Variants in VARS2 observed in about 807,000 individuals in gnomAD.
The protein encoded by VARS2 is valine--tRNA ligase, mitochondrial.
A neutral mutation model predicts 154.1 loss-of-function variants in VARS2; 105 were observed. The ratio of observed to expected loss-of-function variants is 0.68; its 90% confidence interval spans 0.58 to 0.80. VARS2 has a LOEUF of 0.80. Among genes scored for constraint, VARS2 ranks in the 30% least tolerant of loss-of-function variants. VARS2 has a pLI of 0.00. For synonymous variants in VARS2, 483 were observed against 539.5 expected, an observed-to-expected ratio of 0.90 and a Z score of 1.45; for missense variants, 1,157 against 1,361.4, an observed-to-expected ratio of 0.85 and a Z score of 2.36.
chr6:30,921,276 G>A lies in VARS2; in HGVS notation c.1603G>A (p.Ala535Thr). 6.2e-7 allele frequency: 1 copy of A among 1,614,162 alleles called. No individual in the cohort carries two copies. The highest frequency in any genetic ancestry group is 8.5e-7 in the Non-Finnish European group (1 of 1,180,014). ...RQLWWGHQIP[A>T]YLVVEDHAQG... ...GCTGTGGTGGGGCCATCAGATTCCA[G>A]CCTACCTGGTTGTAGAGGACCATGC... The change falls in exon 17 of 30, where the codon GCC becomes ACC. Residue 535 changes from alanine to threonine, a missense_variant. Ala to Thr is a moderately conservative substitution (Grantham distance 58). Transcript: ENST00000676266. The surrounding 1 kb of genome is among the most constrained non-coding windows in gnomAD (Gnocchi z 4.6).
In VARS2 at chr6:30,919,926, T is replaced by G; in HGVS notation, c.1165+78T>G. The G allele has an allele frequency of 6.8e-7, 1 of 1,472,864 alleles. No homozygotes were observed. The highest frequency in any genetic ancestry group is 1.4e-5 in the South Asian group (1 of 71,446). The allele number at this position is 1,472,864 out of a possible 1,614,324, so 91.2% of individuals were successfully genotyped here. A position where few individuals can be genotyped will look rare whatever the true frequency, so the allele number is the denominator to read the frequency against. ...GAGGGAACCAGGAGGAAGAGGAAGGTGGGAGTGGGAGATCCTCATATAGGG... is the reference window on the plus strand; with the variant it reads ...GAGGGAACCAGGAGGAAGAGGAAGGGGGGAGTGGGAGATCCTCATATAGGG... On this transcript the variant is annotated intron_variant, in intron 12 of 29. Transcript: ENST00000676266. The surrounding 1 kb of genome is among the most constrained non-coding windows in gnomAD (Gnocchi z 4.5).
rs1182822448 is a variant in VARS2, at chr6:30,915,010, G to A, written c.174G>A (p.Leu58=). 7.4e-6 allele frequency: 12 copies of A among 1,613,430 alleles called. No homozygotes were observed. The highest frequency in any genetic ancestry group is 6.6e-5 in the South Asian group (6 of 91,090). ...QKRLREKQAT[L]EAEIAGESKS... ...GCCTGCGAGAGAAGCAGGCGACTCTGGAGGCTGAGATAGCAGGGGAGAGCA... is the reference window on the plus strand; with the variant it reads ...GCCTGCGAGAGAAGCAGGCGACTCTAGAGGCTGAGATAGCAGGGGAGAGCA... Residue 58 remains leucine, a synonymous_variant, in exon 2 of 30, where the codon CTG becomes CTA. Coordinates refer to ENST00000676266, the MANE Select transcript of VARS2 (RefSeq NM_020442.6).
At position 30,916,480 on chromosome 6, in the gene VARS2, T is replaced by TTATG; in HGVS notation, c.671+234_671+235insGTAT. ...TGTGTGTGTGTGTGTGTGTGTGTAT[T>TTATG]TATATATATATATATATTTTCTTTC... On this transcript the variant is annotated intron_variant, in intron 7 of 29. Coordinates refer to ENST00000676266, the MANE Select transcript of VARS2 (RefSeq NM_020442.6). The surrounding 1 kb of genome is among the most constrained non-coding windows in gnomAD (Gnocchi z 4.0). 3.5e-6 allele frequency: 1 copy of TTATG among 286,314 alleles called. No homozygotes were observed. Among genetic ancestry groups the TTATG allele is most frequent in the African/African-American group, 2.4e-5 (1 of 42,080 alleles). The allele number at this position is 286,314 out of a possible 1,614,324, so 17.7% of individuals were successfully genotyped here.
rs2532941 is a variant in VARS2 at position 30,924,744 on chromosome 6, G to A, written c.2673+184G>A. Among the ~76,000 whole-genome samples the A allele has an allele frequency of 0.65, 98,196 of 152,068 alleles. 33,391 individuals are homozygous for A. The highest frequency in any genetic ancestry group is 0.87 in the East Asian group (4,490 of 5,164). On this transcript the variant is annotated intron_variant, in intron 26 of 29. Coordinates refer to ENST00000676266, the MANE Select transcript of VARS2 (RefSeq NM_020442.6). ...TAGGGTCTTGAGGGACAGTATTAGC[G>A]TAGTGCTCAAGAGCAGGACTCTGTT...
In VARS2 at chr6:30,921,981, G is replaced by A; in HGVS notation, c.1792G>A (p.Gly598Ser). The change falls in exon 19 of 30, where the codon GGC (glycine) becomes AGC (serine). Residue 598 changes from glycine (G) to serine (S), a missense_variant. Physicochemically the swap from Gly to Ser is moderately conservative, Grantham distance 56. Transcript: ENST00000676266. The surrounding 1 kb of genome is among the most constrained non-coding windows in gnomAD (Gnocchi z 4.6). ...TGCCCTGTTCCCCTTTTCTGCCCTG[G>A]GCTGGCCCCAAGAGGTGAGGTGGGT... is the stretch of plus-strand genomic sequence containing the variant. ...SSALFPFSAL[G>S]WPQETPDLAR... 1 of 1,612,974 alleles carries A rather than the reference G, an allele frequency of 6.2e-7. No individual in the cohort carries two copies. The highest frequency in any genetic ancestry group is 2.2e-5 in the East Asian group (1 of 44,886).
chr6:30,917,215 G>A lies in VARS2; in HGVS notation c.864G>A (p.Ser288=), dbSNP rs59234326. The A allele has an allele frequency of 7.5e-5, 121 of 1,614,202 alleles. 1 individual carries two copies. In the African/African-American group the frequency reaches 1.1e-3, roughly 15 times the overall value. The part of the protein sequence containing the change: ...NWSCALRSAI[S]DIEVENRPLP... ...CATGTGCTTTAAGATCAGCCATCTC[G>A]GACATTGAGGTGAGGCGGAGAGAGG... is the stretch of plus-strand genomic sequence containing the variant. The change falls in exon 9 of 30, where the codon TCG becomes TCA. Residue 288 remains serine, a synonymous_variant. Transcript: ENST00000676266. This position sits in a 1 kb window ranked among gnomAD's most constrained non-coding sequence, Gnocchi z 4.4.
Position 30,917,610 on chromosome 6 carries a change from G to A in VARS2, c.874-85G>A. ...TTTAGATGGATTGCAGGGAGGCTGG[G>A]CAGATGGATGAGTGGCAGAGTGAAG... On this transcript the variant is annotated intron_variant, in intron 9 of 29. Transcript: ENST00000676266. This position sits in a 1 kb window ranked among gnomAD's most constrained non-coding sequence, Gnocchi z 4.4. 2 of 1,279,776 alleles carry A rather than the reference G, an allele frequency of 1.6e-6. No homozygotes were observed. Among genetic ancestry groups the A allele is most frequent in the Non-Finnish European group, 2.2e-6 (2 of 930,068 alleles). 79.3% of individuals were successfully genotyped at this position (1,279,776 alleles called of 1,614,324 possible). A position where few individuals can be genotyped will look rare whatever the true frequency, so the allele number is the denominator to read the frequency against.
chr6:30,920,643 T>C lies in VARS2; in HGVS notation c.1398-25T>C. ...AGAAGTCACAGGGCCGGAAGAGCAG[T>C]GGACTCACCCTGTCTCTCTTTCAGC... On this transcript the variant is annotated intron_variant, in intron 14 of 29. Transcript: ENST00000676266. The surrounding 1 kb of genome is among the most constrained non-coding windows in gnomAD (Gnocchi z 4.6). 2.0e-6 allele frequency: 3 copies of C among 1,530,824 alleles called. No homozygotes were observed. Among genetic ancestry groups the C allele is most frequent in the Non-Finnish European group, 2.6e-6 (3 of 1,133,402 alleles). The allele number at this position is 1,530,824 out of a possible 1,614,324, so 94.8% of individuals were successfully genotyped here. A position where few individuals can be genotyped will look rare whatever the true frequency, so the allele number is the denominator to read the frequency against.
rs962702791 is a variant in VARS2, at chr6:30,914,347, G to T, written c.-28+3G>T. ...TGGGATAGCGGCGGGGCCTCCTGGT[G>T]AGCGCGCGCCGGGGCGGCCTCCGGG... On this transcript the variant is annotated splice_donor_region_variant and intron_variant, in intron 1 of 29. Coordinates refer to ENST00000676266, the MANE Select transcript of VARS2 (RefSeq NM_020442.6). The T allele has an allele frequency of 1.9e-5, 24 of 1,242,682 alleles. No individual in the cohort carries two copies. In the African/African-American group the frequency reaches 3.6e-4, roughly 18 times the overall value. 77.0% of individuals were successfully genotyped at this position (1,242,682 alleles called of 1,614,324 possible).
Position 30,920,011 on chromosome 6 carries a change from G to GTGCAGGTGATGGGGCGA in VARS2, c.1166-67_1166-66insGGGCGATGCAGGTGATG. 16 of 1,506,278 alleles carry GTGCAGGTGATGGGGCGA rather than the reference G, an allele frequency of 1.1e-5. No individual in the cohort carries two copies. The highest frequency in any genetic ancestry group is 1.4e-5 in the Non-Finnish European group (16 of 1,127,114). The allele number at this position is 1,506,278 out of a possible 1,614,324, so 93.3% of individuals were successfully genotyped here. On this transcript the variant is annotated intron_variant, in intron 12 of 29. Coordinates refer to ENST00000676266, the MANE Select transcript of VARS2 (RefSeq NM_020442.6). This position sits in a 1 kb window ranked among gnomAD's most constrained non-coding sequence, Gnocchi z 4.6. The stretch of plus-strand genomic sequence containing the variant: ...AGAGAAAGTCGCAGGGGCTGGGGCG[G>GTGCAGGTGATGGGGCGA]TGCAGGTGATGATGATACATCTGGA...
At chr6:30,922,304 C>T in intron 20 of VARS2, 63 bp downstream of exon 20, 1 of 1,592,252 alleles carries the variant, frequency 6.3e-7, no homozygotes, top group Non-Finnish European at 8.5e-7. Context: ...CCTTGTCCTC[C>T]CTTCTAACCC....
chr6:30,919,709 T>G lies in VARS2; in HGVS notation c.1075-49T>G, dbSNP rs1794387273. The G allele has an allele frequency of 6.8e-7, 1 of 1,479,864 alleles. No individual in the cohort carries two copies. Among genetic ancestry groups the G allele is most frequent in the East Asian group, 2.4e-5 (1 of 41,946 alleles). 91.7% of individuals were successfully genotyped at this position (1,479,864 alleles called of 1,614,324 possible). On this transcript the variant is annotated intron_variant, in intron 11 of 29. Transcript: ENST00000676266. This position sits in a 1 kb window ranked among gnomAD's most constrained non-coding sequence, Gnocchi z 4.5. The stretch of plus-strand genomic sequence containing the variant: ...GGTTCTCACGCCCCAGCCCAGACCC[T>G]TCCAACCCTCACAGGTGCCTGTCCT...
chr6:30,921,231 G>C lies in VARS2; in HGVS notation c.1558G>C (p.Asp520His). The stretch of plus-strand genomic sequence containing the variant: ...ACTTCACGAATGTCCTCCCGGCAGG[G>C]ACTGGTGTGTCTCCCGGCAGCTGTG... ...NWQHWFSHIG[D>H]WCVSRQLWWG... Residue 520 changes from aspartate to histidine, a missense_variant and splice_region_variant, in exon 17 of 30, where the codon GAC becomes CAC. Coordinates refer to ENST00000676266, the MANE Select transcript of VARS2 (RefSeq NM_020442.6). The surrounding 1 kb of genome is among the most constrained non-coding windows in gnomAD (Gnocchi z 4.6). 1 of 1,614,126 alleles carries C rather than the reference G, an allele frequency of 6.2e-7. No homozygotes were observed. The highest frequency in any genetic ancestry group is 8.5e-7 in the Non-Finnish European group (1 of 1,180,012).
rs754381023 is a variant in VARS2, at chr6:30,923,517, T to TG, written c.2466+17dup. On this transcript the variant is annotated intron_variant, in intron 25 of 29. Coordinates refer to ENST00000676266, the MANE Select transcript of VARS2 (RefSeq NM_020442.6). ...GTGACGTCTACCTGGTGAGTGAGGC[T>TG]GGGGGAGGCTTGGTATTCCCATGCC... is the stretch of plus-strand genomic sequence containing the variant. 8 of 1,603,330 alleles carry TG rather than the reference T, an allele frequency of 5.0e-6. No homozygotes were observed. The African/African-American group carries it at 6.7e-5, about 13-fold the overall frequency.
chr6:30,916,616 T>G lies in VARS2; in HGVS notation c.672-262T>G, dbSNP rs1478586083. ...TCATTCTTCTGGGTCTGTTATCTCA[T>G]GCCATCTCTGTGAAGCATCCTTGGA... On this transcript the variant is annotated intron_variant, in intron 7 of 29. Coordinates refer to ENST00000676266, the MANE Select transcript of VARS2 (RefSeq NM_020442.6). The surrounding 1 kb of genome is among the most constrained non-coding windows in gnomAD (Gnocchi z 4.0). 2 of 552,706 alleles carry G rather than the reference T, an allele frequency of 3.6e-6. No individual in the cohort carries two copies. Among genetic ancestry groups the G allele is most frequent in the Non-Finnish European group, 6.4e-6 (2 of 313,526 alleles). The allele number at this position is 552,706 out of a possible 1,614,324, so 34.2% of individuals were successfully genotyped here. A position where few individuals can be genotyped will look rare whatever the true frequency, so the allele number is the denominator to read the frequency against.
chr6:30,915,651 C>A, intron 4 of VARS2, 95 bp from the exon 5 acceptor site: 1 of 1,564,408 alleles, frequency 6.4e-7, no homozygotes, highest in East Asian at 2.3e-5. Context: ...CAGGACAGTT[C>A]TTCCTTGAAG....
At position 30,924,342 on chromosome 6, in the gene VARS2, C is replaced by T; in HGVS notation, c.2467-12C>T. 1.2e-6 allele frequency: 2 copies of T among 1,611,330 alleles called. No homozygotes were observed. The highest frequency in any genetic ancestry group is 8.5e-7 in the Non-Finnish European group (1 of 1,179,860). On this transcript the variant is annotated splice_polypyrimidine_tract_variant and intron_variant, in intron 25 of 29. Coordinates refer to ENST00000676266, the MANE Select transcript of VARS2 (RefSeq NM_020442.6). Reference sequence around the variant, plus strand: ...CCTGGACCTGTCCTCTGACCATTGGCTTCCTCTCCAGGAGGCTGTGAAGCC... The same window carrying T: ...CCTGGACCTGTCCTCTGACCATTGGTTTCCTCTCCAGGAGGCTGTGAAGCC...
chr6:30,921,397 C>A lies in VARS2; in HGVS notation c.1632+92C>A. 1 of 1,520,366 alleles carries A rather than the reference C, an allele frequency of 6.6e-7. No individual in the cohort carries two copies. The highest frequency in any genetic ancestry group is 1.4e-5 in the African/African-American group (1 of 73,116). The allele number at this position is 1,520,366 out of a possible 1,614,324, so 94.2% of individuals were successfully genotyped here. ...CCGCAGGGCCAAGTCCCGCTCCTGC[C>A]TGGTCATGTGCTTCATGCTCATAGT... is the stretch of plus-strand genomic sequence containing the variant. On this transcript the variant is annotated intron_variant, in intron 17 of 29. Transcript: ENST00000676266. This position sits in a 1 kb window ranked among gnomAD's most constrained non-coding sequence, Gnocchi z 4.6.
At chr6:30,914,608 G>A (rs1794026302) in intron 1 of VARS2, 2 of 1,188,644 alleles carry the variant, frequency 1.7e-6, no homozygotes, top group African/African-American at 1.5e-5. Flanking sequence ...GCCCTGTTCC[G>A]GAAGAGCCCT....
Sources: gnomAD v4.1 joint callset for allele counts (sites outside exome capture counted in the v4.1 genomes callset) on GRCh38, gnomAD v4.1.1 for gene constraint, Gnocchi (gnomAD v3.1) non-coding constraint, MANE v1.5 for transcripts, NCBI Gene and HGNC (gene_info 2026-07-23, HGNC 2026-07-21) for gene names.